LTN1: variants seen among roughly 807,000 people sequenced by gnomAD.
LTN1 encodes E3 ubiquitin-protein ligase listerin.
A neutral mutation model predicts 201.2 loss-of-function variants in LTN1; 88 were observed. That is an observed-to-expected ratio of 0.44 (90% CI 0.37 to 0.52). The LOEUF is 0.52. LTN1 is among the 20% of genes least tolerant of loss of function. The pLI, the probability that LTN1 is intolerant of heterozygous loss-of-function variation, is 0.00. For missense variants in LTN1, 1,752 were observed against 2,038.7 expected, an observed-to-expected ratio of 0.86 and a Z score of 2.71; for synonymous variants, 645 against 713.5, an observed-to-expected ratio of 0.90 and a Z score of 1.53.
At chr21:28,946,459 C>A (rs74336947) in intron 19 of LTN1, among the ~76,000 whole-genome samples, 172 bp from the exon 20 acceptor site, 5,988 of 152,224 alleles carry the variant, frequency 0.039, 131 homozygotes, top group Middle Eastern at 0.12. Context: ...CTCCAAAGGG[C>A]AGAGACCCTG....
intron 27 of LTN1, among the ~76,000 whole-genome samples, chr21:28,934,041 G>C (rs1210424960): frequency 1.3e-5 from 2 of 152,064 alleles, no homozygotes; most frequent in East Asian, 3.9e-4. Context: ...CCACCTCCAA[G>C]TGATTTTCTT....
At chr21:28,952,520 T>C (rs768519577) in intron 17 of LTN1, among the ~76,000 whole-genome samples, 4 of 152,116 alleles carry the variant, frequency 2.6e-5, no homozygotes, top group Admixed American at 6.5e-5. Flanking sequence ...TCAGTCCCAA[T>C]AGGGGAGATG....
At chr21:28,971,843 A>G (rs1313221167) in intron 6 of LTN1, among the ~76,000 whole-genome samples, 1 of 152,198 alleles carries the variant, frequency 6.6e-6, no homozygotes, top group Non-Finnish European at 1.5e-5. Context: ...AATGCTTATT[A>G]TATTTAAAGG....
At chr21:28,991,930 T>C (rs2084749449) in intron 1 of LTN1, among the ~76,000 whole-genome samples, 2 of 152,244 alleles carry the variant, frequency 1.3e-5, no homozygotes, top group African/African-American at 4.8e-5. Flanking sequence ...TTTACACGAA[T>C]CCACTTTAAG....
At chr21:28,942,820 A>T (rs965718263) in intron 24 of LTN1, among the ~76,000 whole-genome samples, 1 of 152,222 alleles carries the variant, frequency 6.6e-6, no homozygotes, top group Non-Finnish European at 1.5e-5. Flanking sequence ...AAAAAAAGTT[A>T]TCTATCCTTT....
At chr21:28,968,848 C>T (rs1217755560) in intron 9 of LTN1, among the ~76,000 whole-genome samples, 1 of 151,772 alleles carries the variant, frequency 6.6e-6, no homozygotes, top group Non-Finnish European at 1.5e-5. Context: ...CTCAGGTGAT[C>T]CACCCACCTC....
intron 16 of LTN1, among the ~76,000 whole-genome samples, chr21:28,954,492 T>A (rs573192301): frequency 6.6e-6 from 1 of 152,224 alleles, no homozygotes; most frequent in Non-Finnish European, 1.5e-5. Flanking sequence ...GAACGTCCAC[T>A]TGCCAGAAAA....
chr21:28,977,765 A>T (rs527591585), intron 6 of LTN1, among the ~76,000 whole-genome samples: 96 of 151,520 alleles, frequency 6.3e-4, no homozygotes, highest in Non-Finnish European at 1.2e-3. Context: ...CGTCTCTACT[A>T]AAAAATACAA....
chr21:28,971,989 T>C (rs1050566515), intron 6 of LTN1, among the ~76,000 whole-genome samples: 6 of 152,278 alleles, frequency 3.9e-5, no homozygotes, highest in African/African-American at 1.4e-4. Flanking sequence ...AACAATGCAA[T>C]GGTCTGAATG....
intron 18 of LTN1, among the ~76,000 whole-genome samples, chr21:28,949,370 A>C (rs1397643552): frequency 6.6e-6 from 1 of 152,240 alleles, no homozygotes; most frequent in East Asian, 1.9e-4. Flanking sequence ...TAAAATACAC[A>C]TAAAATTAAT....
chr21:28,986,775 C>T lies in LTN1; in HGVS notation c.202G>A (p.Val68Met). 1.9e-6 allele frequency: 3 copies of T among 1,614,052 alleles called. No homozygotes were observed. Among genetic ancestry groups the T allele is most frequent in the Non-Finnish European group, 2.5e-6 (3 of 1,179,932 alleles). ...DSLVDSDFRM[V>M]LRKLSKKDVT... ...TCTTTCTTTGAAAGTTTCCGCAGCA[C>T]CATTCGGAAATCAGAATCTACAAGA... is the stretch of plus-strand genomic sequence containing the variant. Residue 68 changes from valine (V) to methionine (M), a missense_variant, in exon 2 of 30, where the codon GTG becomes ATG. Val to Met is a conservative substitution (Grantham distance 21). Transcript: ENST00000361371. The surrounding 1 kb of genome is among the most constrained non-coding windows in gnomAD (Gnocchi z 4.1).
At position 28,944,505 on chromosome 21, in the gene LTN1, A is replaced by G. The variant is rs528303629; in HGVS notation, c.3860T>C (p.Phe1287Ser). The G allele has an allele frequency of 2.0e-5, 32 of 1,614,096 alleles. 1 individual carries two copies. In the South Asian group the frequency reaches 2.7e-4, roughly 14 times the overall value. ...SCDLACDLSA[F>S]FDSTTLDTIG... ...GGTATCCAGAGTTGTGGAATCAAAG[A>G]AAGCACTGAGGTCACAGGCCAAATC... Residue 1287 changes from phenylalanine to serine, a missense_variant, in exon 22 of 30, where the codon TTC becomes TCC. Physicochemically the swap from Phe to Ser is radical, Grantham distance 155 (BLOSUM62 -2). Coordinates refer to ENST00000361371, the MANE Select transcript of LTN1 (RefSeq NM_015565.3).
In LTN1 at chr21:28,979,180, G is replaced by C. The variant is rs1046272068; in HGVS notation, c.810+1939C>G. On this transcript the variant is annotated intron_variant, in intron 6 of 29. Coordinates refer to ENST00000361371, the MANE Select transcript of LTN1 (RefSeq NM_015565.3). ...TGCCTAGTGATGGCTAGAATATAAG[G>C]TTATGCAGTATAAGAGTCATCACGT... Among the ~76,000 whole-genome samples, 4 of 152,226 alleles carry C rather than the reference G, an allele frequency of 2.6e-5. No homozygotes were observed. In the East Asian group the frequency reaches 7.7e-4, roughly 29 times the overall value.
chr21:28,958,991 T>C (rs1234446224), intron 13 of LTN1, among the ~76,000 whole-genome samples: 2 of 152,070 alleles, frequency 1.3e-5, no homozygotes, highest in South Asian at 2.1e-4. Flanking sequence ...TCTCTATAGA[T>C]AGTATTTTTT....
At chr21:28,934,808 G>C (rs571134611) in intron 27 of LTN1, among the ~76,000 whole-genome samples, 30 of 152,212 alleles carry the variant, frequency 2.0e-4, no homozygotes, top group African/African-American at 6.7e-4. Flanking sequence ...ATAGCAATCT[G>C]AGAATAGACT....
chr21:28,967,000 G>A lies in LTN1; in HGVS notation c.1491C>T (p.Ile497=). ...CTGGCTCACTGATTTTCGCAACACAGATCTCTGACAGTCTTTCCCAGAAAT... is the reference window on the plus strand; with the variant it reads ...CTGGCTCACTGATTTTCGCAACACAAATCTCTGACAGTCTTTCCCAGAAAT... ...LIHFWERLSE[I]CVAKISEPEA... Residue 497 remains isoleucine (I), a synonymous_variant, in exon 10 of 30, where the codon ATC becomes ATT. Coordinates refer to ENST00000361371, the MANE Select transcript of LTN1 (RefSeq NM_015565.3). The A allele has an allele frequency of 6.2e-7, 1 of 1,614,024 alleles. No individual in the cohort carries two copies. Among genetic ancestry groups the A allele is most frequent in the Non-Finnish European group, 8.5e-7 (1 of 1,180,006 alleles).
intron 29 of LTN1, 67 bp from the exon 30 acceptor site, chr21:28,930,577 G>C (rs1356515637): frequency 6.0e-6 from 6 of 1,003,216 alleles, no homozygotes; most frequent in African/African-American, 1.6e-5. Flanking sequence ...ACATCATAAA[G>C]TACACATACA....
At chr21:28,944,864 G>A (rs1262142592) in intron 21 of LTN1, among the ~76,000 whole-genome samples, 1 of 152,094 alleles carries the variant, frequency 6.6e-6, no homozygotes, top group East Asian at 1.9e-4. Context: ...CACTAAGTCA[G>A]ACACATTAAA....
chr21:28,942,199 T>C (rs2084302594), intron 24 of LTN1, among the ~76,000 whole-genome samples: 1 of 152,142 alleles, frequency 6.6e-6, no homozygotes, highest in African/African-American at 2.4e-5. Context: ...AACACCTCCA[T>C]CTCATGTACC....
Sources: gnomAD v4.1 joint callset for allele counts (sites outside exome capture counted in the v4.1 genomes callset) on GRCh38, gnomAD v4.1.1 for gene constraint, Gnocchi (gnomAD v3.1) non-coding constraint, MANE v1.5 for transcripts, NCBI Gene and HGNC (gene_info 2026-07-23, HGNC 2026-07-21) for gene names.